SLC1A2: variants seen among roughly 807,000 people sequenced by gnomAD.
SLC1A2 encodes the protein solute carrier family 1 member 2.
Under a neutral mutation model 48.8 loss-of-function variants are expected in SLC1A2, and 15 were observed. The ratio of observed to expected loss-of-function variants is 0.31; its 90% confidence interval spans 0.21 to 0.47. The LOEUF is 0.47. Ranked by LOEUF, SLC1A2 falls within the 20% of genes least tolerant of loss-of-function variation. The pLI is 0.99. For missense variants in SLC1A2, 502 were observed against 730.5 expected, an observed-to-expected ratio of 0.69 and a Z score of 3.61; for synonymous variants, 279 against 272.6, an observed-to-expected ratio of 1.02 and a Z score of -0.23.
At chr11:35,362,940 C>T (rs1031010824) in intron 1 of SLC1A2, among the ~76,000 whole-genome samples, 1 of 152,212 alleles carries the variant, frequency 6.6e-6, no homozygotes, top group East Asian at 1.9e-4. Flanking sequence ...ATTCTAAATG[C>T]TTCACATTTG....
intron 5 of SLC1A2, among the ~76,000 whole-genome samples, chr11:35,302,057 G>A (rs1851372969): frequency 6.6e-6 from 1 of 152,200 alleles, no homozygotes; most frequent in African/African-American, 2.4e-5. Flanking sequence ...GAATAGCAGA[G>A]GCCAATTAGC....
chr11:35,362,688 T>C (rs1185919874), intron 1 of SLC1A2, among the ~76,000 whole-genome samples: 3 of 152,330 alleles, frequency 2.0e-5, no homozygotes, highest in Admixed American at 6.5e-5. Flanking sequence ...AAAAATTTCT[T>C]AGGCAAAACA....
rs1385898035 is a variant in SLC1A2, at chr11:35,299,676, A to T, written c.857+1843T>A. 4 of 151,538 alleles carry T rather than the reference A, an allele frequency of 2.6e-5. No homozygotes were observed. The East Asian group carries it at 7.8e-4, about 30-fold the overall frequency. 9.4% of individuals were successfully genotyped at this position (151,538 alleles called of 1,614,324 possible). On this transcript the variant is annotated intron_variant, in intron 6 of 10. Transcript: ENST00000278379. ...GTTCCTAAAGTTTTAGTAACAATTG[A>T]CTACAGGCACATCACCATGTTTGGT... is the stretch of plus-strand genomic sequence containing the variant.
At chr11:35,370,863 T>G in intron 1 of SLC1A2, 1 of 706,504 alleles carries the variant, frequency 1.4e-6, no homozygotes, top group South Asian at 6.4e-5. Context: ...GAACATGAGC[T>G]GCACATGCTG....
At chr11:35,370,530 G>T (rs1446176936) in intron 1 of SLC1A2, among the ~76,000 whole-genome samples, 3 of 152,164 alleles carry the variant, frequency 2.0e-5, no homozygotes, top group Non-Finnish European at 4.4e-5. Flanking sequence ...GAAGACTGGG[G>T]TCTTAGCAAA....
chr11:35,331,615 T>C (rs1487196015), intron 1 of SLC1A2, among the ~76,000 whole-genome samples: 1 of 152,238 alleles, frequency 6.6e-6, no homozygotes, highest in South Asian at 2.1e-4. Context: ...CAGGGCTTTG[T>C]GCTGATATGG....
chr11:35,341,816 C>T (rs988435077), intron 1 of SLC1A2, among the ~76,000 whole-genome samples: 2 of 152,188 alleles, frequency 1.3e-5, no homozygotes, highest in African/African-American at 4.8e-5. Flanking sequence ...GATGTCGATT[C>T]TTTGCAGAAT....
At chr11:35,287,685 C>T (rs1288015364) in intron 7 of SLC1A2, among the ~76,000 whole-genome samples, 2 of 152,290 alleles carry the variant, frequency 1.3e-5, no homozygotes, top group African/African-American at 4.8e-5. Flanking sequence ...GATGTGGATT[C>T]GTGACCACAT....
chr11:35,379,712 C>G (rs533587745), intron 1 of SLC1A2, among the ~76,000 whole-genome samples: 15 of 152,348 alleles, frequency 9.8e-5, no homozygotes, highest in Non-Finnish European at 1.8e-4. Flanking sequence ...GTCCCAAGAA[C>G]TTACTTATGC....
chr11:35,376,788 G>A (rs1371323436), intron 1 of SLC1A2, among the ~76,000 whole-genome samples: 1 of 152,098 alleles, frequency 6.6e-6, no homozygotes, highest in African/African-American at 2.4e-5. Flanking sequence ...ACAAAAACCA[G>A]ATTACTTCCA....
At chr11:35,322,825 A>C in intron 1 of SLC1A2, 1 of 693,026 alleles carries the variant, frequency 1.4e-6, no homozygotes, top group Non-Finnish European at 2.6e-6. Context: ...TGATTGTCCC[A>C]CATCCAGGGT....
chr11:35,375,752 T>C (rs1441732951), intron 1 of SLC1A2, among the ~76,000 whole-genome samples: 1 of 152,166 alleles, frequency 6.6e-6, no homozygotes, highest in African/African-American at 2.4e-5. Context: ...TGAGGAGGGC[T>C]ACAGAGGAGG....
At chr11:35,370,596 G>C (rs1323691667) in intron 1 of SLC1A2, among the ~76,000 whole-genome samples, 1 of 152,154 alleles carries the variant, frequency 6.6e-6, no homozygotes, top group South Asian at 2.1e-4. Context: ...CCAAAGAACA[G>C]AGTGAGTGTT....
chr11:35,370,684 C>T (rs1002389997), intron 1 of SLC1A2, among the ~76,000 whole-genome samples: 7 of 151,878 alleles, frequency 4.6e-5, no homozygotes, highest in African/African-American at 9.7e-5. Flanking sequence ...GGGCTCAGTG[C>T]GGGGAATGAG....
Position 35,292,497 on chromosome 11 carries a change from C to G in SLC1A2, c.881G>C (p.Cys294Ser). ...TGCAATGATCTTTCCACAGATCAGGCAGGCGATACCCAGGGGAGAGTACCT... is the reference window on the plus strand; with the variant it reads ...TGCAATGATCTTTCCACAGATCAGGGAGGCGATACCCAGGGGAGAGTACCT... ...IMWYSPLGIA[C>S]LICGKIIAIK... The change falls in exon 7 of 11, where the codon TGC becomes TCC. Residue 294 changes from cysteine (C) to serine (S), a missense_variant. By Grantham distance (112) the Cys-to-Ser change is moderately radical. Transcript: ENST00000278379. 1 of 1,612,836 alleles carries G rather than the reference C, an allele frequency of 6.2e-7. No individual in the cohort carries two copies. The highest frequency in any genetic ancestry group is 8.5e-7 in the Non-Finnish European group (1 of 1,178,992).
At chr11:35,354,930 T>C (rs1485511358) in intron 1 of SLC1A2, among the ~76,000 whole-genome samples, 2 of 152,232 alleles carry the variant, frequency 1.3e-5, no homozygotes, top group East Asian at 1.9e-4. Flanking sequence ...GTTCTAATTA[T>C]ACATTTTCCC....
intron 1 of SLC1A2, among the ~76,000 whole-genome samples, chr11:35,319,847 T>TGG (rs1441636698): frequency 2.6e-5 from 4 of 152,364 alleles, no homozygotes; most frequent in Non-Finnish European, 5.9e-5. Flanking sequence ...AAATATTTAT[T>TGG]GAGAGAATTC....
At chr11:35,336,400 A>G (rs1449423126) in intron 1 of SLC1A2, among the ~76,000 whole-genome samples, 2 of 152,194 alleles carry the variant, frequency 1.3e-5, no homozygotes, top group Non-Finnish European at 2.9e-5. Context: ...AGGTGACCCA[A>G]TCAGCTCATT....
intron 9 of SLC1A2, among the ~76,000 whole-genome samples, chr11:35,275,011 A>ATC (rs2134656946): frequency 6.6e-6 from 1 of 152,310 alleles, no homozygotes; most frequent in African/African-American, 2.4e-5. Context: ...TCTGGAAGGG[A>ATC]GAGTCCCTGG....
Sources: gnomAD v4.1 joint callset for allele counts (sites outside exome capture counted in the v4.1 genomes callset) on GRCh38, gnomAD v4.1.1 for gene constraint, MANE v1.5 for transcripts, NCBI Gene and HGNC (gene_info 2026-07-23, HGNC 2026-07-21) for gene names.